Variants in LRBA observed in about 807,000 individuals in gnomAD.
LRBA encodes the protein LPS responsive beige-like anchor protein.
Under a neutral mutation model 330.0 loss-of-function variants are expected in LRBA, and 176 were observed. The ratio of observed to expected loss-of-function variants is 0.53; its 90% CI spans 0.47 to 0.60. LRBA has a LOEUF of 0.60. Ranked by LOEUF, LRBA falls within the 20% of genes least tolerant of loss-of-function variation. The probability of loss-of-function intolerance (pLI) is 0.00; values close to 1 mark genes in which losing one functional copy is unlikely to be tolerated. For missense variants in LRBA, 3,259 were observed against 3,444.8 expected (o/e 0.95, Z 1.35); for synonymous variants, 1,230 against 1,193.0 (o/e 1.03, Z -0.64).
At chr4:150,522,361 C>T (rs965611059) in intron 40 of LRBA, among the ~76,000 whole-genome samples, 1 of 152,146 alleles carries the variant, frequency 6.6e-6, no homozygotes, top group Non-Finnish European at 1.5e-5. Context: ...ATTGCTACAA[C>T]ATATATCTAA....
At chr4:150,918,610 C>T (rs1021133706) in intron 5 of LRBA, among the ~76,000 whole-genome samples, 1 of 152,100 alleles carries the variant, frequency 6.6e-6, no homozygotes, top group Non-Finnish European at 1.5e-5. Flanking sequence ...GTTAGCTGGG[C>T]ATGGTGGTAC....
Position 150,435,569 on chromosome 4 carries a change from A to G in LRBA, c.7041+20T>C. ...GTAATGCACTGGCAATAACAACTAT[A>G]AAACAAAACATTTCTGTACCTTAAT... On this transcript the variant is annotated intron_variant, in intron 46 of 56. Coordinates refer to ENST00000651943, the MANE Select transcript of LRBA (RefSeq NM_001364905.1). 6.3e-7 allele frequency: 1 copy of G among 1,595,348 alleles called. No homozygotes were observed. Among genetic ancestry groups the G allele is most frequent in the Non-Finnish European group, 8.5e-7 (1 of 1,174,816 alleles).
At chr4:150,291,967 G>T (rs1041487036) in intron 53 of LRBA, among the ~76,000 whole-genome samples, 5 of 152,098 alleles carry the variant, frequency 3.3e-5, no homozygotes, top group Admixed American at 6.5e-5. Context: ...GTAAACTATC[G>T]CAAGAACAAA....
intron 37 of LRBA, among the ~76,000 whole-genome samples, chr4:150,623,220 A>G (rs1003318357): frequency 5.3e-5 from 8 of 152,224 alleles, no homozygotes; most frequent in African/African-American, 1.9e-4. Flanking sequence ...CCACAAGGGC[A>G]TTCTGACAGT....
intron 36 of LRBA, among the ~76,000 whole-genome samples, chr4:150,717,701 A>AATAATAATAATAATCATC (rs890794296): frequency 4.1e-5 from 6 of 148,056 alleles, no homozygotes; most frequent in Admixed American, 2.0e-4. Flanking sequence ...TAATAATAAT[A>AATAATAATAATAATCATC]ATCAGTGCTT....
intron 2 of LRBA, among the ~76,000 whole-genome samples, chr4:150,946,380 C>T (rs1437011890): frequency 7.2e-5 from 11 of 152,020 alleles, no homozygotes; most frequent in Non-Finnish European, 1.5e-5. Flanking sequence ...ATAATACAAA[C>T]TCAACAAATT....
chr4:150,917,262 T>C (rs1428613519), intron 5 of LRBA, among the ~76,000 whole-genome samples: 1 of 151,060 alleles, frequency 6.6e-6, no homozygotes, highest in Non-Finnish European at 1.5e-5. Context: ...TACATAGTAA[T>C]GTTAATTAAA....
At chr4:150,989,518 T>C (rs898830837) in intron 2 of LRBA, among the ~76,000 whole-genome samples, 1 of 151,644 alleles carries the variant, frequency 6.6e-6, no homozygotes, top group Non-Finnish European at 1.5e-5. Context: ...GAGGCTGAGG[T>C]GAGAGAATCG....
intron 40 of LRBA, chr4:150,581,987 A>T: frequency 7.5e-6 from 1 of 133,280 alleles, no homozygotes; most frequent in African/African-American, 2.9e-5. Context: ...GAAAGAAGAG[A>T]GAGCGAGCAC....
chr4:150,821,363 T>A (rs948765643), intron 30 of LRBA, among the ~76,000 whole-genome samples: 4 of 152,148 alleles, frequency 2.6e-5, no homozygotes, highest in African/African-American at 9.7e-5. Context: ...ACACAAATTA[T>A]CATATTTAAT....
intron 2 of LRBA, among the ~76,000 whole-genome samples, chr4:150,943,242 C>A (rs1286427554): frequency 6.6e-6 from 1 of 152,062 alleles, no homozygotes; most frequent in African/African-American, 2.4e-5. Context: ...GATATACAAC[C>A]AATGCATGGA....
At chr4:150,892,943 TG>T (rs1472872296) in intron 17 of LRBA, 108 bp downstream of exon 17, 4 of 627,162 alleles carry the variant, frequency 6.4e-6, no homozygotes, top group South Asian at 3.1e-5. Flanking sequence ...ACTCATTTCA[TG>T]CTATAAACTC....
chr4:150,991,252 G>A (rs1250737833), intron 2 of LRBA, among the ~76,000 whole-genome samples: 6 of 152,082 alleles, frequency 3.9e-5, no homozygotes, highest in African/African-American at 2.4e-5. Flanking sequence ...CTACATTACT[G>A]GTAGGAATGC....
chr4:150,817,288 A>G, intron 30 of LRBA, 31 bp from the exon 31 acceptor site: 1 of 1,598,190 alleles, frequency 6.3e-7, no homozygotes, highest in Non-Finnish European at 8.6e-7. Flanking sequence ...AGACTGAAAG[A>G]TACAAATTGA....
intron 44 of LRBA, among the ~76,000 whole-genome samples, chr4:150,463,650 T>C (rs191385215): frequency 1.3e-5 from 2 of 152,120 alleles, no homozygotes; most frequent in Admixed American, 1.3e-4. Context: ...AAGGCATTAG[T>C]TAAAATAATA....
intron 52 of LRBA, among the ~76,000 whole-genome samples, chr4:150,303,570 TTTTA>T (rs1232876028): frequency 6.6e-6 from 1 of 152,012 alleles, no homozygotes; most frequent in South Asian, 2.1e-4. Flanking sequence ...TTTTTGTTAT[TTTTA>T]TTTATTTATT....
chr4:150,718,319 A>C (rs1044912464), intron 36 of LRBA, among the ~76,000 whole-genome samples: 9 of 152,206 alleles, frequency 5.9e-5, no homozygotes, highest in African/African-American at 2.2e-4. Context: ...TACTTTACAC[A>C]CAAATCGTAC....
At chr4:150,731,740 T>A (rs1306581069) in intron 36 of LRBA, among the ~76,000 whole-genome samples, 1 of 151,654 alleles carries the variant, frequency 6.6e-6, no homozygotes, top group African/African-American at 2.4e-5. Context: ...TCTATAGGTA[T>A]AAAAAAAACA....
At chr4:150,661,850 C>T (rs191519141) in intron 37 of LRBA, among the ~76,000 whole-genome samples, 1 of 152,078 alleles carries the variant, frequency 6.6e-6, no homozygotes, top group African/African-American at 2.4e-5. Flanking sequence ...CTCGAACTGA[C>T]CTCAAGTGAT....
Sources: allele counts gnomAD v4.1 joint callset (sites outside exome capture counted in the v4.1 genomes callset), GRCh38; gene constraint gnomAD v4.1.1; transcripts MANE v1.5; gene names NCBI Gene and HGNC (gene_info 2026-07-23, HGNC 2026-07-21).